Variants in PRKCQ observed in about 807,000 individuals in gnomAD.
PRKCQ encodes protein kinase C theta type.
A neutral mutation model predicts 91.2 loss-of-function variants in PRKCQ; 41 were observed. That is an observed-to-expected ratio of 0.45 (90% CI 0.35 to 0.58). The LOEUF is 0.58. Among genes scored for constraint, PRKCQ ranks in the 20% least tolerant of loss-of-function variants. The pLI is 0.00. For missense variants in PRKCQ, 673 were observed against 896.5 expected (o/e 0.75, Z 3.18); for synonymous variants, 307 against 316.9 (o/e 0.97, Z 0.33).
chr10:6,413,003 A>C, the PRKCQ span, among the ~76,000 whole-genome samples: 3 of 152,158 alleles, frequency 2.0e-5, no homozygotes, highest in East Asian at 1.9e-4. Context: ...CCCAGGCTGG[A>C]GTGCAGTGGC....
At chr10:6,445,908 A>G (rs1192381217) in intron 15 of PRKCQ, among the ~76,000 whole-genome samples, 1 of 152,240 alleles carries the variant, frequency 6.6e-6, no homozygotes, top group Non-Finnish European at 1.5e-5. Flanking sequence ...TCTGAACCAC[A>G]TATCTTTGTA....
chr10:6,454,818 G>T (rs1224146441), intron 15 of PRKCQ, among the ~76,000 whole-genome samples: 2 of 152,124 alleles, frequency 1.3e-5, no homozygotes, highest in Non-Finnish European at 2.9e-5. Context: ...GGAGGATGTA[G>T]AGTAAGAAGA....
chr10:6,507,965 C>G (rs935711089), intron 3 of PRKCQ, among the ~76,000 whole-genome samples: 2 of 152,094 alleles, frequency 1.3e-5, no homozygotes, highest in Non-Finnish European at 2.9e-5. Flanking sequence ...GGATGCATGT[C>G]TAGGTTAATC....
At chr10:6,421,612 A>G in the PRKCQ span, among the ~76,000 whole-genome samples, 1 of 152,212 alleles carries the variant, frequency 6.6e-6, no homozygotes, top group Non-Finnish European at 1.5e-5. This position sits in a 1 kb window ranked among gnomAD's most constrained non-coding sequence, Gnocchi z 4.1. Flanking sequence ...AAGTTCTGTT[A>G]GACGGTGTCA....
At chr10:6,395,559 T>C in the PRKCQ span, among the ~76,000 whole-genome samples, 1 of 152,164 alleles carries the variant, frequency 6.6e-6, no homozygotes, top group Non-Finnish European at 1.5e-5. Flanking sequence ...AGCCTCCAAT[T>C]GCGTGACTCC....
At chr10:6,569,698 T>G (rs1016891519) in intron 1 of PRKCQ, among the ~76,000 whole-genome samples, 1 of 151,942 alleles carries the variant, frequency 6.6e-6, no homozygotes, top group African/African-American at 2.4e-5. Flanking sequence ...ATAAAATTGG[T>G]TTGGGGCAAG....
intron 1 of PRKCQ, among the ~76,000 whole-genome samples, chr10:6,573,661 A>C (rs1444374604): frequency 6.6e-6 from 1 of 152,204 alleles, no homozygotes; most frequent in Admixed American, 6.5e-5. Context: ...ACAGGGAAAA[A>C]ATTTCAGGAT....
chr10:6,460,896 CCCAT>C (rs1323273696), intron 14 of PRKCQ, among the ~76,000 whole-genome samples: 1 of 93,276 alleles, frequency 1.1e-5, no homozygotes. Context: ...TCCATCCATA[CCCAT>C]CCATCCATCC....
At chr10:6,495,589 C>T (rs1273478949) in intron 7 of PRKCQ, among the ~76,000 whole-genome samples, 2 of 152,332 alleles carry the variant, frequency 1.3e-5, no homozygotes, top group Non-Finnish European at 2.9e-5. Context: ...TAATATAAAT[C>T]GAAGCCATAC....
chr10:6,511,908 T>C (rs1364678173), intron 2 of PRKCQ, among the ~76,000 whole-genome samples: 4 of 151,666 alleles, frequency 2.6e-5, no homozygotes, highest in African/African-American at 9.8e-5. Context: ...GGTTTCAAAA[T>C]GTTATTTTCC....
intron 7 of PRKCQ, among the ~76,000 whole-genome samples, chr10:6,492,284 G>C (rs765164696): frequency 6.6e-6 from 1 of 151,942 alleles, no homozygotes; most frequent in Non-Finnish European, 1.5e-5. Context: ...ACATTTCTAT[G>C]GGTTTATCAG....
intron 16 of PRKCQ, 97 bp downstream of exon 16, chr10:6,441,794 ATT>A (rs1373009179): frequency 8.0e-7 from 1 of 1,246,816 alleles, no homozygotes; most frequent in Admixed American, 2.5e-5. Flanking sequence ...AATAATAATC[ATT>A]GTTTGCCACA....
At chr10:6,394,826 G>C in the PRKCQ span, among the ~76,000 whole-genome samples, 1 of 143,448 alleles carries the variant, frequency 7.0e-6, no homozygotes, top group South Asian at 2.1e-4. Context: ...GAATGGTTGA[G>C]AGGAATAGCT....
chr10:6,451,604 G>C (rs1284806612), intron 15 of PRKCQ, among the ~76,000 whole-genome samples: 1 of 152,098 alleles, frequency 6.6e-6, no homozygotes, highest in Non-Finnish European at 1.5e-5. Flanking sequence ...TGATACCAAA[G>C]CCAGGCAGAG....
intron 1 of PRKCQ, among the ~76,000 whole-genome samples, chr10:6,535,775 G>A (rs1011489486): frequency 1.7e-4 from 26 of 152,058 alleles, no homozygotes; most frequent in African/African-American, 5.8e-4. Context: ...CCATCAAAGC[G>A]GACAGATCCC....
intron 3 of PRKCQ, among the ~76,000 whole-genome samples, chr10:6,508,116 G>T (rs190318977): frequency 6.6e-6 from 1 of 152,296 alleles, no homozygotes; most frequent in East Asian, 1.9e-4. Context: ...ACATACTTCA[G>T]TACTGTATTA....
chr10:6,465,408 G>C lies in PRKCQ; in HGVS notation c.1354-1004C>G, dbSNP rs1835596828. ...AGTAGGGCTGGGTGGTCTTCAGGCTGTGGTGGGCATATCAGCCAGGATTGT... is the reference window on the plus strand; with the variant it reads ...AGTAGGGCTGGGTGGTCTTCAGGCTCTGGTGGGCATATCAGCCAGGATTGT... On this transcript the variant is annotated intron_variant, in intron 12 of 17. Coordinates refer to ENST00000263125, the MANE Select transcript of PRKCQ (RefSeq NM_006257.5). This position sits in a 1 kb window ranked among gnomAD's most constrained non-coding sequence, Gnocchi z 4.4. Among the ~76,000 whole-genome samples the C allele has an allele frequency of 6.6e-6, 1 of 152,200 alleles. No homozygotes were observed. The highest frequency in any genetic ancestry group is 2.4e-5 in the African/African-American group (1 of 41,450).
chr10:6,528,525 T>C (rs1839278534), intron 1 of PRKCQ, among the ~76,000 whole-genome samples: 1 of 152,178 alleles, frequency 6.6e-6, no homozygotes, highest in Non-Finnish European at 1.5e-5. Flanking sequence ...TCTCCATCGA[T>C]CTGGCCTTTG....
At chr10:6,553,269 C>T (rs995161012) in intron 1 of PRKCQ, among the ~76,000 whole-genome samples, 2 of 152,088 alleles carry the variant, frequency 1.3e-5, no homozygotes, top group African/African-American at 4.8e-5. Flanking sequence ...GCAGGCAGAT[C>T]GCTTGAGCTC....
Sources: gnomAD v4.1 joint callset for allele counts (sites outside exome capture counted in the v4.1 genomes callset) on GRCh38, gnomAD v4.1.1 for gene constraint, Gnocchi (gnomAD v3.1) non-coding constraint, MANE v1.5 for transcripts, NCBI Gene and HGNC (gene_info 2026-07-23, HGNC 2026-07-21) for gene names.